Variants in TTN observed in about 807,000 individuals in gnomAD.
The protein encoded by TTN is titin.
A neutral mutation model predicts 3,223.0 loss-of-function variants in TTN; 1,525 were observed. The observed-to-expected ratio is 0.47, with a 90% CI of 0.45 to 0.49. The LOEUF (loss-of-function observed/expected upper bound fraction) is 0.49. Ranked by LOEUF, TTN falls within the 20% of genes least tolerant of loss-of-function variation. The pLI, the probability that TTN is intolerant of heterozygous loss-of-function variation, is 0.00. For synonymous variants in TTN, 14,094 were observed against 15,161.0 expected, an observed-to-expected ratio of 0.93 and a Z score of 5.17; for missense variants, 40,786 against 43,424.0, an observed-to-expected ratio of 0.94 and a Z score of 5.40.
Position 178,720,277 on chromosome 2 carries a change from AT to A in TTN, c.23378-14del, listed in dbSNP as rs751632918. On this transcript the variant is annotated splice_polypyrimidine_tract_variant and intron_variant, in intron 80 of 362. Transcript: ENST00000589042. ...AATCGTGGAGGTTCTGATGAAAGAAATTTGTGGTTAGAGGAAAAAATGTGAG... is the reference window on the plus strand; with the variant it reads ...AATCGTGGAGGTTCTGATGAAAGAAATTGTGGTTAGAGGAAAAAATGTGAG... The A allele has an allele frequency of 1.2e-4, 191 of 1,601,654 alleles. No individual in the cohort carries two copies. Among genetic ancestry groups the A allele is most frequent in the Non-Finnish European group, 1.6e-4 (183 of 1,172,782 alleles).
chr2:178,580,262 G>A (rs748488430), intron 317 of TTN, 33 bp from the exon 318 acceptor site: 3 of 1,605,832 alleles, frequency 1.9e-6, no homozygotes, highest in Admixed American at 1.7e-5. Context: ...AGAAATGAAT[G>A]TGTAAAAAAT....
In TTN at chr2:178,658,083, C is replaced by A. The variant is rs1477991949; in HGVS notation, c.37786G>T (p.Val12596Phe). 1.3e-6 allele frequency: 2 copies of A among 1,572,534 alleles called. No individual in the cohort carries two copies. Among genetic ancestry groups the A allele is most frequent in the Non-Finnish European group, 1.7e-6 (2 of 1,172,170 alleles). Residue 12596 changes from valine (V) to phenylalanine (F), a missense_variant, in exon 186 of 363, where the codon GTC becomes TTC. Transcript: ENST00000589042. ...AGTCAGGGCTAAAGTGTACCTGGGA[C>A]AATCGGAGCTTCTGGTTTTTTGGGT... ...APPKKPEAPI[V>F]PVPEAQEVVP... is the part of the protein sequence containing the mutation.
In TTN at chr2:178,698,866, G is replaced by A; in HGVS notation, c.30731C>T (p.Pro10244Leu). ...ACCTTCACGTGGTGTCATCTCTTTGGGCTTTGCAACAACTTTTTTGGCATC... is the reference window on the plus strand; with the variant it reads ...ACCTTCACGTGGTGTCATCTCTTTGAGCTTTGCAACAACTTTTTTGGCATC... ...KKDAKKVVAK[P>L]KEMTPREEIV... Residue 10244 changes from proline to leucine, a missense_variant, in exon 112 of 363, where the codon CCC (proline) becomes CTC (leucine). Physicochemically the swap from Pro to Leu is moderately conservative, Grantham distance 98 (BLOSUM62 -3). Coordinates refer to ENST00000589042, the MANE Select transcript of TTN (RefSeq NM_001267550.2). 1 of 1,541,318 alleles carries A rather than the reference G, an allele frequency of 6.5e-7. No individual in the cohort carries two copies. Among genetic ancestry groups the A allele is most frequent in the Non-Finnish European group, 8.7e-7 (1 of 1,144,776 alleles).
intron 102 of TTN, 72 bp downstream of exon 102, chr2:178,706,382 G>A: frequency 6.8e-7 from 1 of 1,463,824 alleles, no homozygotes; most frequent in Non-Finnish European, 9.1e-7. Flanking sequence ...CACTGGGGCT[G>A]GTTGACTGTG....
chr2:178,746,483 G>A (rs1215229736), intron 47 of TTN: 6 of 1,612,812 alleles, frequency 3.7e-6, no homozygotes, highest in Non-Finnish European at 5.1e-6. Flanking sequence ...TTCTTGAGGA[G>A]AAGGTGTTCT....
In TTN at chr2:178,782,257, T is replaced by A. The variant is rs540783675; in HGVS notation, c.3335A>T (p.His1112Leu). 1 of 1,614,092 alleles carries A rather than the reference T, an allele frequency of 6.2e-7. No individual in the cohort carries two copies. Among genetic ancestry groups the A allele is most frequent in the African/African-American group, 1.3e-5 (1 of 75,036 alleles). ...AACACCAGATTTTTTCCAGTATACA[T>A]GGGGCTTTGGGTTGCCGCCAACTTG... ...GCQVGGNPKP[H>L]VYWKKSGVPL... Residue 1112 changes from histidine (H) to leucine (L), a missense_variant, in exon 20 of 363, where the codon CAT (histidine) becomes CTT (leucine). His to Leu is a moderately conservative substitution (Grantham distance 99). Transcript: ENST00000589042.
chr2:178,699,901 G>A (rs934617607), intron 111 of TTN, among the ~76,000 whole-genome samples: 1 of 148,718 alleles, frequency 6.7e-6, no homozygotes. Flanking sequence ...CTAATTTTTT[G>A]TATTTTTAGT....
At chr2:178,772,832 C>A (rs1461295556) in intron 33 of TTN, 3 of 466,408 alleles carry the variant, frequency 6.4e-6, no homozygotes, top group Non-Finnish European at 1.2e-5. Context: ...GAAAGAGGCA[C>A]ATATAAAGTG....
rs1283273656 is a variant in TTN, at chr2:178,605,458, C to G, written c.53837G>C (p.Ser17946Thr). 1 of 1,611,070 alleles carries G rather than the reference C, an allele frequency of 6.2e-7. No individual in the cohort carries two copies. The highest frequency in any genetic ancestry group is 2.2e-5 in the East Asian group (1 of 44,646). ...TACATTAAGAGGTAGGGATGGTTCA[C>G]TTTCACCAATTTCATTGACAGCTTT... ...RVKAVNEIGESEPSLPLNVVI... is the reference protein window; with the variant it reads ...RVKAVNEIGETEPSLPLNVVI... Residue 17946 changes from serine (S) to threonine (T), a missense_variant, in exon 279 of 363, where the codon AGT (serine) becomes ACT (threonine). Transcript: ENST00000589042.
intron 268 of TTN, 27 bp from the exon 269 acceptor site, chr2:178,611,704 C>T (rs747361221): frequency 1.9e-6 from 3 of 1,612,202 alleles, no homozygotes; most frequent in Admixed American, 1.7e-5. Context: ...ATATTCATAT[C>T]CACAGTCTCA....
At position 178,633,494 on chromosome 2, in the gene TTN, T is replaced by C. The variant is rs1387348110; in HGVS notation, c.42865A>G (p.Lys14289Glu). Residue 14289 changes from lysine to glutamate, a missense_variant, in exon 232 of 363, where the codon AAA becomes GAA. By Grantham distance (56) the Lys-to-Glu change is moderately conservative. Coordinates refer to ENST00000589042, the MANE Select transcript of TTN (RefSeq NM_001267550.2). ...ADGLRRILKI[K>E]KADLKDKGEY... is the part of the protein sequence containing the mutation. ...CCTTTATCTTTAAGGTCCGCCTTTT[T>C]GATTTTTAAGATGCGGCGCAGGCCA... The C allele has an allele frequency of 2.5e-6, 4 of 1,613,266 alleles. No individual in the cohort carries two copies. The highest frequency in any genetic ancestry group is 3.4e-6 in the Non-Finnish European group (4 of 1,179,622).
chr2:178,714,689 G>A, intron 90 of TTN, 116 bp from the exon 91 acceptor site: 1 of 1,245,568 alleles, frequency 8.0e-7, no homozygotes, highest in South Asian at 1.6e-5. Context: ...CATTTAAGAG[G>A]CATTTTTGGT....
chr2:178,537,050 A>C lies in TTN; in HGVS notation c.100059T>G (p.Ile33353Met). ...SSAISVTTCR[I>M]VNLTENAGYY... ...AGCCAGCATTTTCTGTGAGGTTCAC[A>C]ATTCTACAGGTTGTCACTGAGATGG... The change falls in exon 356 of 363, where the codon ATT becomes ATG. Residue 33353 changes from isoleucine (I) to methionine (M), a missense_variant. Coordinates refer to ENST00000589042, the MANE Select transcript of TTN (RefSeq NM_001267550.2). 1 of 1,613,260 alleles carries C rather than the reference A, an allele frequency of 6.2e-7. No homozygotes were observed. The highest frequency in any genetic ancestry group is 1.3e-5 in the African/African-American group (1 of 75,008).
intron 173 of TTN, 93 bp from the exon 174 acceptor site, chr2:178,663,148 T>G: frequency 1.2e-6 from 2 of 1,608,950 alleles, no homozygotes; most frequent in East Asian, 2.2e-5. Context: ...TGGATAGCGA[T>G]TGACATTTGT....
Position 178,562,397 on chromosome 2 carries a change from G to A in TTN, c.83735C>T (p.Thr27912Ile), listed in dbSNP as rs1704019364. ...TTCTAGAGTCTTAACTTGTGTGCAG[G>A]TGCTCCACTTTTCACTCCCTTTAGT... ...MQTKGSEKWS[T>I]CTQVKTLEAT... Residue 27912 changes from threonine (T) to isoleucine (I), a missense_variant, in exon 326 of 363, where the codon ACC (threonine) becomes ATC (isoleucine). Physicochemically the swap from Thr to Ile is moderately conservative, Grantham distance 89 (BLOSUM62 -1). Transcript: ENST00000589042. 1 of 1,611,630 alleles carries A rather than the reference G, an allele frequency of 6.2e-7. No homozygotes were observed. The highest frequency in any genetic ancestry group is 1.7e-5 in the Admixed American group (1 of 59,730).
chr2:178,617,380 CCTT>C lies in TTN; in HGVS notation c.47702_47704del (p.Glu15901del). On this transcript the variant is annotated inframe_deletion, in exon 254 of 363. Coordinates refer to ENST00000589042, the MANE Select transcript of TTN (RefSeq NM_001267550.2). ...ATTGCAACGAATCCAATTATCTTTT[CCTT>C]CTTCGCATCGCTCAATTATATAGCC... 6.3e-7 allele frequency: 1 copy of C among 1,587,440 alleles called. No individual in the cohort carries two copies. The highest frequency in any genetic ancestry group is 1.2e-5 in the South Asian group (1 of 84,964).
At position 178,633,441 on chromosome 2, in the gene TTN, G is replaced by C. The variant is rs537375897; in HGVS notation, c.42918C>G (p.Asp14306Glu). 2.5e-6 allele frequency: 4 copies of C among 1,613,360 alleles called. No homozygotes were observed. In the South Asian group the frequency reaches 3.3e-5, roughly 13 times the overall value. ...CAACAGTAACATTTGCCTTGGTCTT[G>C]TCTGTGCCACAGTCACACACATATT... The part of the protein sequence containing the change: ...KGEYVCDCGT[D>E]KTKANVTVEA... Residue 14306 changes from aspartate to glutamate, a missense_variant, in exon 232 of 363, where the codon GAC (aspartate) becomes GAG (glutamate). Transcript: ENST00000589042.
rs1422704890 is a variant in TTN, at chr2:178,561,139, ATT to A, written c.84991_84992del (p.Asn28331CysfsTer3). 6.2e-7 allele frequency: 1 copy of A among 1,613,820 alleles called. No individual in the cohort carries two copies. The highest frequency in any genetic ancestry group is 1.1e-5 in the South Asian group (1 of 91,074). The part of the protein sequence containing the change: ...QRYEFRVFAR[N>X]AADSVSEPSE... ...ATGGCTCACTAACTGAGTCAGCAGC[ATT>A]CCTTGCAAAAACCCGGAATTCATAA... On this transcript the variant is annotated frameshift_variant, in exon 326 of 363. Coordinates refer to ENST00000589042, the MANE Select transcript of TTN (RefSeq NM_001267550.2). LOFTEE classifies it high-confidence loss of function.
intron 88 of TTN, 147 bp from the exon 89 acceptor site, chr2:178,715,921 A>G (rs901781445): frequency 4.2e-6 from 3 of 715,218 alleles, no homozygotes; most frequent in Non-Finnish European, 6.4e-6. Flanking sequence ...GTTAAATGAA[A>G]CCTAAATAGA....
Sources: gnomAD v4.1 joint callset for allele counts (sites outside exome capture counted in the v4.1 genomes callset) on GRCh38, gnomAD v4.1.1 for gene constraint, MANE v1.5 for transcripts, NCBI Gene and HGNC (gene_info 2026-07-23, HGNC 2026-07-21) for gene names.